PRPF31: variants seen among roughly 807,000 people sequenced by gnomAD.
PRPF31 encodes the protein U4/U6 small nuclear ribonucleoprotein Prp31.
Under a neutral mutation model 60.4 loss-of-function variants are expected in PRPF31, and 12 were observed. The ratio of observed to expected loss-of-function variants is 0.20; its 90% confidence interval spans 0.13 to 0.32. The LOEUF (loss-of-function observed/expected upper bound fraction) is 0.32, where lower values mean the gene tolerates loss of function less well. Among genes scored for constraint, PRPF31 ranks in the 10% least tolerant of loss-of-function variants. The pLI, the probability that PRPF31 is intolerant of heterozygous loss-of-function variation, is 1.00. For synonymous variants in PRPF31, 287 were observed against 287.9 expected, an observed-to-expected ratio of 1.00 and a Z score of 0.03; for missense variants, 431 against 687.1, an observed-to-expected ratio of 0.63 and a Z score of 4.17.
At chr19:54,128,024 T>C in intron 9 of PRPF31, 49 bp from the exon 10 acceptor site, 1 of 1,547,960 alleles carries the variant, frequency 6.5e-7, no homozygotes, top group South Asian at 1.2e-5. Context: ...GAGGCCTGGG[T>C]GGGCAGCCCA....
chr19:54,126,325 G>A lies in PRPF31; in HGVS notation c.856-203G>A, dbSNP rs146181111. 1.4e-3 allele frequency among the ~76,000 whole-genome samples: 220 copies of A among 152,284 alleles called. 1 individual carries two copies. Among genetic ancestry groups the A allele is most frequent in the Middle Eastern group, 3.4e-3 (1 of 294 alleles). On this transcript the variant is annotated intron_variant, in intron 8 of 13. Transcript: ENST00000321030. ...ATCCTTACCTGATGGCCACTTATCA[G>A]CTGGGACATGGCTCTGTGCCCTGCC...
At position 54,129,133 on chromosome 19, in the gene PRPF31, G is replaced by T; in HGVS notation, c.1223G>T (p.Arg408Leu). The change falls in exon 12 of 14, where the codon CGG becomes CTG. Residue 408 changes from arginine (R) to leucine (L), a missense_variant. Physicochemically the swap from Arg to Leu is moderately radical, Grantham distance 102. Transcript: ENST00000321030. The stretch of plus-strand genomic sequence containing the variant: ...GGCAAGTCGGGCAGTGGGCGTGTGC[G>T]GCAGACACAGGTAAACGAGGCCACC... ...HLGKSGSGRVRQTQVNEATKA... is the reference protein window; with the variant it reads ...HLGKSGSGRVLQTQVNEATKA... 6.3e-7 allele frequency: 1 copy of T among 1,581,582 alleles called. No individual in the cohort carries two copies. Among genetic ancestry groups the T allele is most frequent in the East Asian group, 2.3e-5 (1 of 43,636 alleles).
At chr19:54,124,197 T>A in intron 7 of PRPF31, 1 of 685,908 alleles carries the variant, frequency 1.5e-6, no homozygotes. Flanking sequence ...TGAAAATGGT[T>A]CCAAAACACA....
chr19:54,126,664 C>T (rs753859642), intron 9 of PRPF31, 47 bp downstream of exon 9: 14 of 1,554,526 alleles, frequency 9.0e-6, no homozygotes, highest in Non-Finnish European at 1.2e-5. Flanking sequence ...TTCCTCTGGG[C>T]CTGGGGTGTC....
chr19:54,131,621 A>G lies in PRPF31; in HGVS notation c.*189A>G, dbSNP rs1376171629. 2 of 798,274 alleles carry G rather than the reference A, an allele frequency of 2.5e-6. No individual in the cohort carries two copies. Among genetic ancestry groups the G allele is most frequent in the East Asian group, 2.7e-5 (1 of 37,444 alleles). The allele number at this position is 798,274 out of a possible 1,614,324, so 49.4% of individuals were successfully genotyped here. A position where few individuals can be genotyped will look rare whatever the true frequency, so the allele number is the denominator to read the frequency against. ...CCCAGGACCGAGATCACCGCCCAGT[A>G]TGGGCTAGAGCAGGTCTTCATCATG... On this transcript the variant is annotated 3_prime_UTR_variant, in exon 14 of 14. Transcript: ENST00000321030.
chr19:54,121,780 T>C, intron 3 of PRPF31, 80 bp from the exon 4 acceptor site: 1 of 1,391,624 alleles, frequency 7.2e-7, no homozygotes, highest in Non-Finnish European at 1.0e-6. Flanking sequence ...CCCAACTTCA[T>C]CCTCCGCCTC....
chr19:54,122,858 G>A, intron 5 of PRPF31: 1 of 587,326 alleles, frequency 1.7e-6, no homozygotes, highest in Non-Finnish European at 3.0e-6. Flanking sequence ...GGTGGCATTG[G>A]AGTTGACATC....
chr19:54,118,028 A>G (rs1429832641), intron 1 of PRPF31, among the ~76,000 whole-genome samples: 1 of 152,192 alleles, frequency 6.6e-6, no homozygotes, highest in African/African-American at 2.4e-5. Flanking sequence ...TGGAATCTAC[A>G]CCACTTGGTT....
Position 54,128,405 on chromosome 19 carries a change from C to G in PRPF31, c.1146+28C>G, listed in dbSNP as rs1357597913. The G allele has an allele frequency of 9.7e-6, 15 of 1,543,144 alleles. No homozygotes were observed. The Admixed American group carries it at 2.2e-4, about 22-fold the overall frequency. On this transcript the variant is annotated intron_variant, in intron 11 of 13. Coordinates refer to ENST00000321030, the MANE Select transcript of PRPF31 (RefSeq NM_015629.4). ...CAGACTCCCAGAGCGCCCTCCTCAA[C>G]CCCACAGCCAGCCAGCCGCCACCGC...
chr19:54,128,459 T>C, intron 11 of PRPF31, 82 bp downstream of exon 11: 9 of 1,371,176 alleles, frequency 6.6e-6, no homozygotes, highest in Non-Finnish European at 8.1e-6. Flanking sequence ...GCCCCTCCTC[T>C]CGTCCTGTGG....
intron 4 of PRPF31, 119 bp from the exon 5 acceptor site, chr19:54,122,378 T>G (rs2073813589): frequency 1.7e-5 from 14 of 821,438 alleles, no homozygotes; most frequent in Non-Finnish European, 2.6e-5. Flanking sequence ...GGTGCCCGTG[T>G]GCCAGGCCAC....
chr19:54,128,508 C>A (rs867764596), intron 11 of PRPF31, 131 bp downstream of exon 11: 14,128 of 943,064 alleles, frequency 0.015, 199 homozygotes, highest in Non-Finnish European at 0.018. Flanking sequence ...AGCCTCCCCC[C>A]CCCCGGCCTC....
Position 54,120,133 on chromosome 19 carries a change from G to C in PRPF31, c.238+1500G>C, listed in dbSNP as rs587768197. ...GAATGCATGTGCCAGGCAAAGAAAG[G>C]GAGAAGGGGGCCCAGGGAAAGACAG... On this transcript the variant is annotated intron_variant, in intron 3 of 13. Transcript: ENST00000321030. 5.2e-5 allele frequency: 8 copies of C among 152,450 alleles called. No individual in the cohort carries two copies. In the South Asian group the frequency reaches 1.5e-3, roughly 28 times the overall value. The allele number at this position is 152,450 out of a possible 1,614,324, so 9.4% of individuals were successfully genotyped here.
intron 1 of PRPF31, among the ~76,000 whole-genome samples, chr19:54,117,239 G>A (rs1381889712): frequency 6.6e-6 from 1 of 152,188 alleles, no homozygotes; most frequent in Non-Finnish European, 1.5e-5. Context: ...GAGGAAGTGG[G>A]GGGTGGTGAA....
At chr19:54,129,494 G>A (rs1347523375) in intron 13 of PRPF31, 124 bp downstream of exon 13, 9 of 1,184,746 alleles carry the variant, frequency 7.6e-6, no homozygotes, top group African/African-American at 1.5e-5. Flanking sequence ...GTGTGGTGAC[G>A]AGGTATGCAG....
chr19:54,131,442 T>TAA lies in PRPF31; in HGVS notation c.*10_*11insAA, dbSNP rs2074045623. On this transcript the variant is annotated 3_prime_UTR_variant, in exon 14 of 14. Coordinates refer to ENST00000321030, the MANE Select transcript of PRPF31 (RefSeq NM_015629.4). The stretch of plus-strand genomic sequence containing the variant: ...CCTTATGTCCACCTGAATGACTGCG[T>TAA]GTGTCCAAGGTGGCTTCCCACTGAA... 6.2e-7 allele frequency: 1 copy of TAA among 1,614,010 alleles called. No homozygotes were observed. The highest frequency in any genetic ancestry group is 1.3e-5 in the African/African-American group (1 of 75,070).
intron 9 of PRPF31, among the ~76,000 whole-genome samples, chr19:54,126,840 T>C (rs1210856663): frequency 6.6e-6 from 1 of 152,144 alleles, no homozygotes; most frequent in African/African-American, 2.4e-5. Flanking sequence ...CTTAAAACAG[T>C]GCAGGTGTGG....
intron 8 of PRPF31, chr19:54,124,996 G>A: frequency 2.2e-6 from 1 of 461,732 alleles, no homozygotes; most frequent in Admixed American, 3.5e-5. Flanking sequence ...CGTCGGGTTA[G>A]CGTGCAACTG....
At chr19:54,120,889 C>T (rs1043592479) in intron 3 of PRPF31, among the ~76,000 whole-genome samples, 24 of 152,280 alleles carry the variant, frequency 1.6e-4, no homozygotes, top group Admixed American at 1.5e-3. Context: ...GCTGGGATTA[C>T]AGGTATGAGC....
Sources: gnomAD v4.1 joint callset for allele counts (sites outside exome capture counted in the v4.1 genomes callset) on GRCh38, gnomAD v4.1.1 for gene constraint, MANE v1.5 for transcripts, NCBI Gene and HGNC (gene_info 2026-07-23, HGNC 2026-07-21) for gene names.